Variants in SBF2 observed in about 807,000 individuals in gnomAD.
SBF2 encodes the protein myotubularin-related protein 13.
In SBF2, 112 loss-of-function variants were observed where a neutral mutation model predicts 225.2. The observed-to-expected ratio is 0.50, with a 90% CI of 0.43 to 0.58. The LOEUF is 0.58. Among genes scored for constraint, SBF2 ranks in the 20% least tolerant of loss-of-function variants. The pLI, the probability that SBF2 is intolerant of heterozygous loss-of-function variation, is 0.00. For missense variants in SBF2, 1,996 were observed against 2,206.2 expected, an observed-to-expected ratio of 0.90 and a Z score of 1.91; for synonymous variants, 763 against 773.3, an observed-to-expected ratio of 0.99 and a Z score of 0.22.
chr11:10,075,965 T>C (rs773035511), intron 2 of SBF2, among the ~76,000 whole-genome samples: 4 of 151,726 alleles, frequency 2.6e-5, no homozygotes, highest in Admixed American at 6.6e-5. Flanking sequence ...CACTCAGAAA[T>C]AGCAAAATAG....
chr11:10,270,081 T>A (rs890473340), intron 1 of SBF2, among the ~76,000 whole-genome samples: 1 of 152,152 alleles, frequency 6.6e-6, no homozygotes, highest in Non-Finnish European at 1.5e-5. Flanking sequence ...TATCTAACCA[T>A]GAGATTAACT....
At chr11:9,999,598 A>G (rs1011819804) in intron 8 of SBF2, among the ~76,000 whole-genome samples, 1 of 152,018 alleles carries the variant, frequency 6.6e-6, no homozygotes, top group Non-Finnish European at 1.5e-5. Flanking sequence ...CTAGGATTAC[A>G]GGTGTGGGCC....
chr11:10,188,586 C>T (rs1957038272), intron 2 of SBF2, among the ~76,000 whole-genome samples: 1 of 152,146 alleles, frequency 6.6e-6, no homozygotes, highest in African/African-American at 2.4e-5. Context: ...ACAAAATAAG[C>T]AGAATTGAGA....
intron 1 of SBF2, among the ~76,000 whole-genome samples, chr11:10,222,926 T>C (rs1426751637): frequency 6.6e-6 from 1 of 152,002 alleles, no homozygotes; most frequent in Non-Finnish European, 1.5e-5. Flanking sequence ...AATAAATGAG[T>C]TTCAATAACC....
intron 17 of SBF2, among the ~76,000 whole-genome samples, chr11:9,864,096 A>G (rs1857985027): frequency 6.6e-6 from 1 of 152,238 alleles, no homozygotes; most frequent in Admixed American, 6.5e-5. Context: ...ATAAGCAATG[A>G]GTATTTAGGA....
chr11:9,869,935 G>C (rs547661828), intron 17 of SBF2, among the ~76,000 whole-genome samples: 70 of 152,240 alleles, frequency 4.6e-4, no homozygotes, highest in Admixed American at 1.4e-3. Context: ...TGATGGCATG[G>C]TCCTATATCT....
At chr11:9,878,428 T>A (rs1859468030) in intron 17 of SBF2, among the ~76,000 whole-genome samples, 2 of 152,228 alleles carry the variant, frequency 1.3e-5, no homozygotes, top group Non-Finnish European at 2.9e-5. Context: ...TTGGCTTTTG[T>A]TGCCATTGCT....
At chr11:9,948,087 T>C (rs1865665739) in intron 16 of SBF2, among the ~76,000 whole-genome samples, 1 of 152,064 alleles carries the variant, frequency 6.6e-6, no homozygotes, top group Non-Finnish European at 1.5e-5. Context: ...ATACATACAA[T>C]GGAATATTAT....
At chr11:10,177,129 C>A (rs1393888753) in intron 2 of SBF2, among the ~76,000 whole-genome samples, 1 of 151,804 alleles carries the variant, frequency 6.6e-6, no homozygotes, top group African/African-American at 2.4e-5. Flanking sequence ...AGGCCTTTGA[C>A]AAAATTCAAC....
chr11:10,262,483 C>A (rs1961543823), intron 1 of SBF2, among the ~76,000 whole-genome samples: 1 of 152,140 alleles, frequency 6.6e-6, no homozygotes, highest in Non-Finnish European at 1.5e-5. Context: ...CTGTCTAGAG[C>A]ACTCACCTGG....
chr11:10,022,205 G>C (rs1225000932), intron 6 of SBF2, among the ~76,000 whole-genome samples: 1 of 152,028 alleles, frequency 6.6e-6, no homozygotes, highest in Admixed American at 6.6e-5. Context: ...AGAATAATAA[G>C]ACATGTAAGT....
intron 17 of SBF2, among the ~76,000 whole-genome samples, chr11:9,877,725 C>T (rs974288765): frequency 2.6e-5 from 4 of 152,160 alleles, no homozygotes; most frequent in Non-Finnish European, 5.9e-5. Flanking sequence ...ATGACATGAA[C>T]GCATCCTTTT....
At chr11:9,950,875 A>T (rs1199168976) in intron 16 of SBF2, among the ~76,000 whole-genome samples, 1 of 152,222 alleles carries the variant, frequency 6.6e-6, no homozygotes, top group African/African-American at 2.4e-5. Flanking sequence ...TTATTCATTT[A>T]TTAATTCATC....
chr11:9,891,446 T>C (rs1860808196), intron 17 of SBF2, among the ~76,000 whole-genome samples: 1 of 152,200 alleles, frequency 6.6e-6, no homozygotes, highest in South Asian at 2.1e-4. Context: ...ATTCCTCTAC[T>C]GTCAACAGCT....
At chr11:9,887,045 T>C (rs1468446709) in intron 17 of SBF2, among the ~76,000 whole-genome samples, 2 of 152,120 alleles carry the variant, frequency 1.3e-5, no homozygotes, top group South Asian at 2.1e-4. Context: ...TATATTTCTT[T>C]TGGAGTAGAC....
In SBF2 at chr11:10,145,279, A is replaced by G. The variant is rs987057448; in HGVS notation, c.141+48623T>C. Among the ~76,000 whole-genome samples the G allele has an allele frequency of 2.6e-5, 4 of 152,250 alleles. No individual in the cohort carries two copies. The South Asian group carries it at 6.2e-4, about 24-fold the overall frequency. The stretch of plus-strand genomic sequence containing the variant: ...ACCCTTGGCCTTTCCAAATTGCTTG[A>G]TTTCTTCAAAGAATGAAGACCTCAG... On this transcript the variant is annotated intron_variant, in intron 2 of 39. Coordinates refer to ENST00000256190, the MANE Select transcript of SBF2 (RefSeq NM_030962.4).
At chr11:10,275,325 A>G (rs867915379) in intron 1 of SBF2, among the ~76,000 whole-genome samples, 1 of 148,896 alleles carries the variant, frequency 6.7e-6, no homozygotes, top group South Asian at 2.1e-4. Flanking sequence ...TAAAAGCACA[A>G]TATGGCTTTA....
chr11:10,093,562 T>C (rs2134928388), intron 2 of SBF2, among the ~76,000 whole-genome samples: 1 of 152,316 alleles, frequency 6.6e-6, no homozygotes, highest in African/African-American at 2.4e-5. Flanking sequence ...AGTTATCACA[T>C]ACGATGTACA....
At chr11:10,099,262 C>T (rs1474483134) in intron 2 of SBF2, among the ~76,000 whole-genome samples, 1 of 152,020 alleles carries the variant, frequency 6.6e-6, no homozygotes, top group Non-Finnish European at 1.5e-5. Context: ...TTAGCCTATC[C>T]ACAAGCTTCT....
Sources: allele counts gnomAD v4.1 joint callset (sites outside exome capture counted in the v4.1 genomes callset), GRCh38; gene constraint gnomAD v4.1.1; transcripts MANE v1.5; gene names NCBI Gene and HGNC (gene_info 2026-07-23, HGNC 2026-07-21).